ITGA4: variants seen among roughly 807,000 people sequenced by gnomAD.
The protein encoded by ITGA4 is integrin alpha-4.
Under a neutral mutation model 133.6 loss-of-function variants are expected in ITGA4, and 63 were observed. The observed-to-expected ratio is 0.47, with a 90% CI of 0.38 to 0.58. The LOEUF is 0.58. ITGA4 is among the 20% of genes least tolerant of loss of function. The pLI is 0.00. For missense variants in ITGA4, 1,076 were observed against 1,252.7 expected, an observed-to-expected ratio of 0.86 and a Z score of 2.13; for synonymous variants, 483 against 438.0, an observed-to-expected ratio of 1.10 and a Z score of -1.28.
At chr2:181,507,056 A>G (rs1234641107) in intron 15 of ITGA4, among the ~76,000 whole-genome samples, 1 of 152,142 alleles carries the variant, frequency 6.6e-6, no homozygotes, top group African/African-American at 2.4e-5. Context: ...GAACTTATAG[A>G]TTGAAACAGC....
At chr2:181,509,096 T>G (rs1686450417) in intron 15 of ITGA4, among the ~76,000 whole-genome samples, 1 of 126,804 alleles carries the variant, frequency 7.9e-6, no homozygotes, top group Non-Finnish European at 1.6e-5. Context: ...GAGCTACACT[T>G]CACTCCAGTC....
chr2:181,511,329 C>T (rs755916808), intron 16 of ITGA4, among the ~76,000 whole-genome samples: 2 of 152,074 alleles, frequency 1.3e-5, no homozygotes. Flanking sequence ...GCCATACTTA[C>T]ACGTAATAAA....
chr2:181,503,241 G>A (rs533606547), intron 15 of ITGA4, among the ~76,000 whole-genome samples: 1 of 152,196 alleles, frequency 6.6e-6, no homozygotes, highest in Non-Finnish European at 1.5e-5. Flanking sequence ...TGTGTTCTTT[G>A]ATGGCGGGGA....
chr2:181,488,708 G>A (rs539229445), intron 10 of ITGA4, among the ~76,000 whole-genome samples: 122 of 151,788 alleles, frequency 8.0e-4, no homozygotes, highest in African/African-American at 2.6e-3. Flanking sequence ...ACAGGCACCC[G>A]CCACCACCCC....
chr2:181,494,922 T>A, intron 12 of ITGA4, 110 bp downstream of exon 12: 3 of 643,402 alleles, frequency 4.7e-6, no homozygotes, highest in South Asian at 4.1e-5. Context: ...TTACTGATAA[T>A]TTTTTTTCTT....
chr2:181,507,585 G>T (rs1286688003), intron 15 of ITGA4, among the ~76,000 whole-genome samples: 1 of 151,962 alleles, frequency 6.6e-6, no homozygotes, highest in Non-Finnish European at 1.5e-5. Flanking sequence ...ACCCCACTTG[G>T]ATACAAAAAT....
intron 10 of ITGA4, among the ~76,000 whole-genome samples, chr2:181,487,707 G>A (rs1174915814): frequency 6.6e-6 from 1 of 152,134 alleles, no homozygotes; most frequent in Non-Finnish European, 1.5e-5. Flanking sequence ...TTTATTTTGG[G>A]TCAGATGTAC....
intron 17 of ITGA4, among the ~76,000 whole-genome samples, chr2:181,519,138 G>A (rs1686668855): frequency 6.6e-6 from 1 of 151,986 alleles, no homozygotes; most frequent in Admixed American, 6.6e-5. Context: ...CCAATGATAA[G>A]AAACATTTTA....
At chr2:181,467,984 G>A (rs187295406) in intron 2 of ITGA4, among the ~76,000 whole-genome samples, 1 of 152,316 alleles carries the variant, frequency 6.6e-6, no homozygotes, top group Admixed American at 6.5e-5. Context: ...TTATGAGCCA[G>A]GTTATATGCT....
rs11412304 is a variant in ITGA4, at chr2:181,480,119, G to GTT, written c.625-9_625-8dup. 0.038 allele frequency: 46,165 copies of GTT among 1,217,132 alleles called. No homozygotes were observed. Among genetic ancestry groups the GTT allele is most frequent in the Non-Finnish European group, 0.041 (36,254 of 892,852 alleles). 75.4% of individuals were successfully genotyped at this position (1,217,132 alleles called of 1,614,324 possible). A position where few individuals can be genotyped will look rare whatever the true frequency, so the allele number is the denominator to read the frequency against. On this transcript the variant is annotated splice_polypyrimidine_tract_variant and intron_variant, in intron 5 of 27. Transcript: ENST00000397033. ...TGAGATTAAAGTTTAAATAATAATA[G>GTT]TTTTTTTTTTCTTACAGGATTTAAT...
At chr2:181,475,347 T>C in intron 4 of ITGA4, 59 bp downstream of exon 4, 1 of 1,360,896 alleles carries the variant, frequency 7.3e-7, no homozygotes, top group Non-Finnish European at 1.0e-6. Context: ...CCTTTTAGTG[T>C]TTTAAATTTA....
intron 4 of ITGA4, among the ~76,000 whole-genome samples, 168 bp downstream of exon 4, chr2:181,475,456 A>C (rs1047891269): frequency 4.9e-4 from 75 of 152,120 alleles, no homozygotes; most frequent in African/African-American, 1.8e-3. Flanking sequence ...CAATAGCATT[A>C]TTTTTCATAA....
At chr2:181,507,755 A>G (rs1484915905) in intron 15 of ITGA4, among the ~76,000 whole-genome samples, 1 of 152,136 alleles carries the variant, frequency 6.6e-6, no homozygotes, top group Non-Finnish European at 1.5e-5. Flanking sequence ...TTAGGGAATA[A>G]TGACAAGAAA....
chr2:181,524,136 T>A (rs1395151194), intron 19 of ITGA4, 35 bp from the exon 20 acceptor site: 3 of 1,405,896 alleles, frequency 2.1e-6, no homozygotes, highest in Non-Finnish European at 2.9e-6. Flanking sequence ...ACTTAAGATT[T>A]TTTTTAATGG....
At chr2:181,508,211 T>A (rs910953777) in intron 15 of ITGA4, among the ~76,000 whole-genome samples, 13 of 151,760 alleles carry the variant, frequency 8.6e-5, no homozygotes, top group African/African-American at 2.9e-4. Flanking sequence ...AAAATCTGAT[T>A]ATTGAAAAAA....
intron 17 of ITGA4, among the ~76,000 whole-genome samples, chr2:181,513,379 G>C (rs1484111650): frequency 6.6e-6 from 1 of 152,034 alleles, no homozygotes. Context: ...ACATTAGAAA[G>C]TTACCAAAGC....
rs571697202 is a variant in ITGA4, at chr2:181,475,278, G to A, written c.546G>A (p.Pro182=). 2.9e-5 allele frequency: 47 copies of A among 1,612,046 alleles called. No homozygotes were observed. The highest frequency in any genetic ancestry group is 2.0e-4 in the East Asian group (9 of 44,884). The change falls in exon 4 of 28, where the codon CCG becomes CCA. Residue 182 remains proline, a synonymous_variant. Transcript: ENST00000397033. ...LRTELSKRIA[P]CYQDYVKKFG... ...CAGAACTGAGTAAAAGAATAGCTCC[G>A]TGTTATCAAGGTAAGGCATGATTTT...
At chr2:181,526,068 A>G (rs759361859) in intron 21 of ITGA4, among the ~76,000 whole-genome samples, 16 of 152,358 alleles carry the variant, frequency 1.1e-4, no homozygotes, top group Non-Finnish European at 2.2e-4. Context: ...GAAAGGTGAT[A>G]TACAGTCATG....
At chr2:181,530,796 T>C in intron 24 of ITGA4, 147 bp downstream of exon 24, 2 of 717,774 alleles carry the variant, frequency 2.8e-6, no homozygotes, top group Non-Finnish European at 4.6e-6. Flanking sequence ...GGAACAAGCA[T>C]GGTTGGAAAG....
Sources: gnomAD v4.1 joint callset for allele counts (sites outside exome capture counted in the v4.1 genomes callset) on GRCh38, gnomAD v4.1.1 for gene constraint, MANE v1.5 for transcripts, NCBI Gene and HGNC (gene_info 2026-07-23, HGNC 2026-07-21) for gene names.